RBMS1: variants seen among roughly 807,000 people sequenced by gnomAD.
RBMS1 encodes RNA-binding motif, single-stranded-interacting protein 1.
Under a neutral mutation model 62.3 loss-of-function variants are expected in RBMS1, and 17 were observed. That is an observed-to-expected ratio of 0.27 (90% CI 0.19 to 0.41). RBMS1 has a LOEUF of 0.41. RBMS1 is among the 10% of genes least tolerant of loss of function. RBMS1 has a pLI of 1.00. For missense variants in RBMS1, 334 were observed against 504.5 expected (o/e 0.66, Z 3.24); for synonymous variants, 172 against 170.0 (o/e 1.01, Z -0.09).
At chr2:160,307,547 T>C (rs1689607156) in intron 4 of RBMS1, among the ~76,000 whole-genome samples, 1 of 152,162 alleles carries the variant, frequency 6.6e-6, no homozygotes, top group African/African-American at 2.4e-5. Flanking sequence ...CTTTTCCTTT[T>C]ATAGAATGTG....
rs527654578 is a variant in RBMS1, at chr2:160,322,523, T to C, written c.252-4296A>G. Among the ~76,000 whole-genome samples, 7 of 152,356 alleles carry C rather than the reference T, an allele frequency of 4.6e-5. No homozygotes were observed. The South Asian group carries it at 1.4e-3, about 32-fold the overall frequency. ...TTTCTATTGTGGTTTTCCTTGCAAG[T>C]TGTGGAGTAAGACTGAAAGACTGTG... On this transcript the variant is annotated intron_variant, in intron 2 of 13. Transcript: ENST00000348849.
At chr2:160,345,591 G>T (rs1692132737) in intron 2 of RBMS1, among the ~76,000 whole-genome samples, 1 of 152,146 alleles carries the variant, frequency 6.6e-6, no homozygotes, top group African/African-American at 2.4e-5. Context: ...CCGAAGTCAG[G>T]TCATCTGTTT....
intron 1 of RBMS1, among the ~76,000 whole-genome samples, chr2:160,378,133 C>T (rs1483314207): frequency 1.6e-4 from 22 of 135,310 alleles, no homozygotes; most frequent in Admixed American, 1.6e-3. Context: ...TATCCAGTTG[C>T]TTGCTTTAAA....
intron 1 of RBMS1, among the ~76,000 whole-genome samples, chr2:160,418,256 A>G (rs1433692100): frequency 6.6e-6 from 1 of 152,160 alleles, no homozygotes; most frequent in Non-Finnish European, 1.5e-5. Context: ...ACAGACACGC[A>G]TACACTCCAA....
chr2:160,429,174 C>T (rs1159364476), intron 1 of RBMS1, among the ~76,000 whole-genome samples: 1 of 152,182 alleles, frequency 6.6e-6, no homozygotes, highest in Non-Finnish European at 1.5e-5. Context: ...AAGACCCTGA[C>T]TAAAGGGAGC....
intron 2 of RBMS1, among the ~76,000 whole-genome samples, chr2:160,323,028 T>C (rs1690668251): frequency 6.6e-6 from 1 of 152,030 alleles, no homozygotes; most frequent in South Asian, 2.1e-4. Context: ...AAGTGAGGGG[T>C]GAGGGGGAGC....
intron 12 of RBMS1, 54 bp from the exon 13 acceptor site, chr2:160,275,768 C>G: frequency 6.2e-7 from 1 of 1,611,368 alleles, no homozygotes; most frequent in Middle Eastern, 1.7e-4. Context: ...AACCTCAGCT[C>G]TGCTACTTAG....
intron 1 of RBMS1, among the ~76,000 whole-genome samples, chr2:160,454,369 T>C (rs1191023891): frequency 6.6e-6 from 1 of 152,158 alleles, no homozygotes; most frequent in African/African-American, 2.4e-5. Flanking sequence ...ATGCTAAAGA[T>C]ACTAAAGAAA....
rs1361792296 is a variant in RBMS1 at position 160,311,210 on chromosome 2, A to ATCTCTCTCTCTCTCTCTCTCTC, written c.402+1945_402+1946insGAGAGAGAGAGAGAGAGAGAGA. 7.3e-3 allele frequency among the ~76,000 whole-genome samples: 413 copies of ATCTCTCTCTCTCTCTCTCTCTC among 56,438 alleles called. 5 individuals are homozygous for ATCTCTCTCTCTCTCTCTCTCTC. Among genetic ancestry groups the ATCTCTCTCTCTCTCTCTCTCTC allele is most frequent in the Non-Finnish European group, 0.011 (291 of 27,112 alleles). 37.0% of individuals were successfully genotyped at this position (56,438 alleles called of 152,430 possible). ...ACCCTGTCTCCAAAAAAAAAAAAAA[A>ATCTCTCTCTCTCTCTCTCTCTC]TCTATCTATCTATCTATCTATCTAT... On this transcript the variant is annotated intron_variant, in intron 4 of 13. Coordinates refer to ENST00000348849, the MANE Select transcript of RBMS1 (RefSeq NM_016836.4).
At chr2:160,296,803 G>T (rs1292323224) in intron 6 of RBMS1, among the ~76,000 whole-genome samples, 1 of 152,172 alleles carries the variant, frequency 6.6e-6, no homozygotes, top group Non-Finnish European at 1.5e-5. Flanking sequence ...GCAAAAATCT[G>T]TGTTTTGGCA....
rs574968357 is a variant in RBMS1 at position 160,330,048 on chromosome 2, T to TA, written c.252-11822dup. ...AGAGCAAGTCATGACACCTTAATTT[T>TA]AGACTTGTAACCTCCAGAACTGTAA... On this transcript the variant is annotated intron_variant, in intron 2 of 13. Coordinates refer to ENST00000348849, the MANE Select transcript of RBMS1 (RefSeq NM_016836.4). Among the ~76,000 whole-genome samples the TA allele has an allele frequency of 4.6e-5, 7 of 152,302 alleles. No individual in the cohort carries two copies. In the East Asian group the frequency reaches 1.4e-3, roughly 29 times the overall value.
chr2:160,314,271 G>A (rs1346721660), intron 3 of RBMS1, among the ~76,000 whole-genome samples: 1 of 152,252 alleles, frequency 6.6e-6, no homozygotes, highest in Admixed American at 6.5e-5. Flanking sequence ...TTAAGTTATT[G>A]AGAAAAGGGT....
At chr2:160,450,571 A>G (rs1401097655) in intron 1 of RBMS1, among the ~76,000 whole-genome samples, 1 of 149,944 alleles carries the variant, frequency 6.7e-6, no homozygotes, top group Non-Finnish European at 1.5e-5. Flanking sequence ...AATGAAAAAA[A>G]AAAAAAAACA....
At chr2:160,291,465 A>G (rs1427778435) in intron 6 of RBMS1, among the ~76,000 whole-genome samples, 1 of 152,200 alleles carries the variant, frequency 6.6e-6, no homozygotes, top group Non-Finnish European at 1.5e-5. Context: ...CATTTCAATA[A>G]GGATCCAATA....
intron 1 of RBMS1, among the ~76,000 whole-genome samples, chr2:160,419,767 T>G (rs1173630104): frequency 6.6e-6 from 1 of 152,220 alleles, no homozygotes; most frequent in African/African-American, 2.4e-5. Flanking sequence ...CTACTTTATC[T>G]GCCCATTTAC....
chr2:160,323,204 G>A (rs552662651), intron 2 of RBMS1, among the ~76,000 whole-genome samples: 173 of 151,054 alleles, frequency 1.1e-3, no homozygotes, highest in African/African-American at 2.7e-3. Flanking sequence ...AGCCAGGCAC[G>A]GTGGCTCACG....
At chr2:160,383,455 G>GA (rs1179551110) in intron 1 of RBMS1, among the ~76,000 whole-genome samples, 2 of 149,586 alleles carry the variant, frequency 1.3e-5, no homozygotes, top group Admixed American at 6.6e-5. Flanking sequence ...ACATGAATTG[G>GA]GGGGGGGGGA....
chr2:160,285,129 C>T (rs530984516), intron 7 of RBMS1, 85 bp from the exon 8 acceptor site: 6 of 1,315,472 alleles, frequency 4.6e-6, no homozygotes, highest in African/African-American at 1.4e-5. Context: ...TGGTGGTGTG[C>T]ACCTGTAGTC....
At chr2:160,349,610 G>A (rs1206662225) in intron 2 of RBMS1, among the ~76,000 whole-genome samples, 1 of 151,208 alleles carries the variant, frequency 6.6e-6, no homozygotes, top group Non-Finnish European at 1.5e-5. Flanking sequence ...AGAGAAATAT[G>A]TACCCCAGGA....
Sources: gnomAD v4.1 joint callset for allele counts (sites outside exome capture counted in the v4.1 genomes callset) on GRCh38, gnomAD v4.1.1 for gene constraint, MANE v1.5 for transcripts, NCBI Gene and HGNC (gene_info 2026-07-23, HGNC 2026-07-21) for gene names.